Variants in AHI1 observed in about 807,000 individuals in gnomAD.
The protein encoded by AHI1 is jouberin.
A neutral mutation model predicts 149.3 loss-of-function variants in AHI1; 123 were observed. That is an observed-to-expected ratio of 0.82 (90% CI 0.71 to 0.96). AHI1 has a LOEUF of 0.96. AHI1 is among the 40% of genes least tolerant of loss of function. The pLI is 0.00. For missense variants in AHI1, 1,439 were observed against 1,422.7 expected, an observed-to-expected ratio of 1.01 and a Z score of -0.18; for synonymous variants, 475 against 459.8, an observed-to-expected ratio of 1.03 and a Z score of -0.42.
At chr6:135,318,020 A>G (rs1464816878) in intron 26 of AHI1, among the ~76,000 whole-genome samples, 1 of 152,240 alleles carries the variant, frequency 6.6e-6, no homozygotes, top group African/African-American at 2.4e-5. Flanking sequence ...GACACAGACT[A>G]AAATACATGA....
chr6:135,429,531 A>G (rs1234632443), intron 18 of AHI1, among the ~76,000 whole-genome samples: 1 of 151,766 alleles, frequency 6.6e-6, no homozygotes, highest in Non-Finnish European at 1.5e-5. Flanking sequence ...CATAGTGATA[A>G]TATCAGTATC....
At chr6:135,309,575 T>C (rs910902085) in intron 26 of AHI1, among the ~76,000 whole-genome samples, 2 of 151,594 alleles carry the variant, frequency 1.3e-5, no homozygotes, top group Admixed American at 1.3e-4. Context: ...CTATGCCTCC[T>C]GAGATCAAGC....
intron 25 of AHI1, 113 bp downstream of exon 25, chr6:135,323,049 G>A (rs920618421): frequency 2.4e-5 from 27 of 1,144,806 alleles, no homozygotes; most frequent in Non-Finnish European, 2.9e-5. Flanking sequence ...AATACCCATT[G>A]GTAAACATAT....
intron 11 of AHI1, among the ~76,000 whole-genome samples, chr6:135,449,605 T>C (rs936681974): frequency 1.3e-5 from 2 of 152,192 alleles, no homozygotes; most frequent in African/African-American, 2.4e-5. Flanking sequence ...TGTAACTTAA[T>C]ATCTTAAATT....
intron 24 of AHI1, among the ~76,000 whole-genome samples, chr6:135,336,533 G>C (rs574587970): frequency 2.7e-3 from 406 of 152,274 alleles, no homozygotes; most frequent in Non-Finnish European, 4.2e-3. Context: ...TGGAAGTCGA[G>C]GCTGCAGTGA....
intron 28 of AHI1, among the ~76,000 whole-genome samples, chr6:135,287,849 C>A (rs978744118): frequency 6.6e-6 from 1 of 152,096 alleles, no homozygotes; most frequent in Non-Finnish European, 1.5e-5. Flanking sequence ...GTCATCCCAG[C>A]ATTTTGGGAG....
intron 14 of AHI1, among the ~76,000 whole-genome samples, 165 bp downstream of exon 14, chr6:135,442,417 T>C (rs1786445514): frequency 1.3e-5 from 2 of 152,140 alleles, no homozygotes; most frequent in African/African-American, 4.8e-5. Context: ...TATAGAAAAG[T>C]GTAAAATTAT....
intron 23 of AHI1, among the ~76,000 whole-genome samples, chr6:135,391,180 T>C (rs982987451): frequency 6.6e-6 from 1 of 152,348 alleles, no homozygotes; most frequent in Non-Finnish European, 1.5e-5. Flanking sequence ...CTCACATAGA[T>C]GCCAGCTGTA....
chr6:135,422,569 A>G (rs1263341044), intron 20 of AHI1, among the ~76,000 whole-genome samples: 4 of 152,002 alleles, frequency 2.6e-5, no homozygotes, highest in African/African-American at 9.7e-5. Context: ...TATATTGAGA[A>G]CATAATGGCT....
intron 24 of AHI1, among the ~76,000 whole-genome samples, chr6:135,329,776 G>T (rs2128395784): frequency 6.6e-6 from 1 of 152,302 alleles, no homozygotes; most frequent in East Asian, 1.9e-4. Context: ...TTCTGGAAAG[G>T]ATGCACTATT....
intron 24 of AHI1, among the ~76,000 whole-genome samples, chr6:135,352,685 A>C (rs1440186577): frequency 1.4e-5 from 2 of 141,684 alleles, no homozygotes; most frequent in Non-Finnish European, 3.1e-5. Flanking sequence ...GAACTACTCA[A>C]AGACACATTG....
intron 5 of AHI1, among the ~76,000 whole-genome samples, chr6:135,477,478 T>C (rs1162125911): frequency 6.6e-6 from 1 of 152,228 alleles, no homozygotes; most frequent in Non-Finnish European, 1.5e-5. Context: ...CTTCTCATTG[T>C]TGATATGGTT....
At chr6:135,489,154 T>C (rs1794895120) in intron 5 of AHI1, among the ~76,000 whole-genome samples, 1 of 152,204 alleles carries the variant, frequency 6.6e-6, no homozygotes, top group Non-Finnish European at 1.5e-5. Context: ...ATATTCCTGT[T>C]CTTTTGAGCT....
chr6:135,320,902 C>G (rs1466330228), intron 25 of AHI1, among the ~76,000 whole-genome samples: 5 of 152,030 alleles, frequency 3.3e-5, no homozygotes, highest in Non-Finnish European at 5.9e-5. Context: ...TGTGGGAGAC[C>G]CAACAATGAG....
intron 8 of AHI1, 99 bp from the exon 9 acceptor site, chr6:135,457,812 G>T: frequency 8.8e-7 from 1 of 1,141,926 alleles, no homozygotes; most frequent in South Asian, 1.5e-5. Context: ...ATCTCACTGT[G>T]TTCAAAGGAA....
intron 24 of AHI1, among the ~76,000 whole-genome samples, chr6:135,324,604 G>C (rs939823876): frequency 6.6e-6 from 1 of 151,278 alleles, no homozygotes; most frequent in African/African-American, 2.4e-5. Context: ...CACAGCACGT[G>C]AGAGTCCAGG....
At position 135,462,088 on chromosome 6, in the gene AHI1, G is replaced by C. The variant is rs150299853; in HGVS notation, c.931+1037C>G. Among the ~76,000 whole-genome samples the C allele has an allele frequency of 5.0e-4, 76 of 151,926 alleles. 2 individuals are homozygous for C. The highest frequency in any genetic ancestry group is 1.7e-3 in the African/African-American group (71 of 41,382). On this transcript the variant is annotated intron_variant, in intron 8 of 28. Coordinates refer to ENST00000265602, the MANE Select transcript of AHI1 (RefSeq NM_001134831.2). ...ATATATATAGAAACACATAAAACAA[G>C]TATACTGCTTAGTGCTTTTCTATAT...
At chr6:135,468,898 T>C (rs1164858674) in intron 5 of AHI1, among the ~76,000 whole-genome samples, 1 of 152,120 alleles carries the variant, frequency 6.6e-6, no homozygotes, top group African/African-American at 2.4e-5. Flanking sequence ...CAGGACCAGA[T>C]GGATTTACAG....
intron 27 of AHI1, among the ~76,000 whole-genome samples, chr6:135,292,346 C>T (rs1782466395): frequency 6.6e-6 from 1 of 152,166 alleles, no homozygotes; most frequent in Admixed American, 6.5e-5. Context: ...TGTAGTGATC[C>T]TCTTTCTTCT....
Sources: gnomAD v4.1 joint callset for allele counts (sites outside exome capture counted in the v4.1 genomes callset) on GRCh38, gnomAD v4.1.1 for gene constraint, MANE v1.5 for transcripts, NCBI Gene and HGNC (gene_info 2026-07-23, HGNC 2026-07-21) for gene names.